Variants in ARFGEF3 observed in about 807,000 individuals in gnomAD.
The protein encoded by ARFGEF3 is ARFGEF family member 3, also known as brefeldin A-inhibited guanine nucleotide-exchange protein 3.
Under a neutral mutation model 221.7 loss-of-function variants are expected in ARFGEF3, and 96 were observed. That is an observed-to-expected ratio of 0.43 (90% confidence interval 0.37 to 0.51). ARFGEF3 has a LOEUF of 0.51. Among genes scored for constraint, ARFGEF3 ranks in the 20% least tolerant of loss-of-function variants. The probability of loss-of-function intolerance (pLI) is 0.00; values close to 1 mark genes in which losing one functional copy is unlikely to be tolerated. For missense variants in ARFGEF3, 2,410 were observed against 2,789.9 expected, an observed-to-expected ratio of 0.86 and a Z score of 3.07; for synonymous variants, 1,145 against 1,126.8, an observed-to-expected ratio of 1.02 and a Z score of -0.32.
chr6:138,286,629 G>A, intron 15 of ARFGEF3, 72 bp from the exon 16 acceptor site: 1 of 1,213,502 alleles, frequency 8.2e-7, no homozygotes, highest in South Asian at 1.3e-5. Context: ...TTGATAGCAA[G>A]AGAATGTGAT....
chr6:138,167,241 G>C (rs1479633320), intron 1 of ARFGEF3, among the ~76,000 whole-genome samples: 1 of 152,142 alleles, frequency 6.6e-6, no homozygotes, highest in African/African-American at 2.4e-5. Context: ...TTTCTCAAGG[G>C]TTAGCTTTGA....
intron 4 of ARFGEF3, among the ~76,000 whole-genome samples, chr6:138,223,317 C>T (rs1201902653): frequency 6.6e-6 from 1 of 152,158 alleles, no homozygotes; most frequent in African/African-American, 2.4e-5. Context: ...AAGTTTAAAG[C>T]CAATCTACAT....
At chr6:138,164,451 T>G (rs1219481256) in intron 1 of ARFGEF3, among the ~76,000 whole-genome samples, 3 of 152,202 alleles carry the variant, frequency 2.0e-5, no homozygotes, top group Non-Finnish European at 2.9e-5. Flanking sequence ...CCATCTTGTT[T>G]AGGAAACATT....
intron 5 of ARFGEF3, among the ~76,000 whole-genome samples, chr6:138,230,105 A>G (rs115795019): frequency 0.017 from 2,603 of 152,236 alleles, 38 homozygotes; most frequent in Middle Eastern, 0.048. Flanking sequence ...TGTAAATAAC[A>G]GTACTGGTTC....
intron 7 of ARFGEF3, among the ~76,000 whole-genome samples, chr6:138,244,359 A>G (rs927547380): frequency 4.6e-5 from 7 of 152,202 alleles, no homozygotes; most frequent in African/African-American, 1.4e-4. Flanking sequence ...TTAGAGCCAC[A>G]TTTGTAAAGA....
At chr6:138,254,654 C>T (rs1345412351) in intron 9 of ARFGEF3, among the ~76,000 whole-genome samples, 2 of 151,856 alleles carry the variant, frequency 1.3e-5, no homozygotes, top group Non-Finnish European at 2.9e-5. Context: ...CACTTGAACC[C>T]GGGAGGCGGA....
At chr6:138,288,769 G>T (rs1779343806) in intron 17 of ARFGEF3, among the ~76,000 whole-genome samples, 1 of 152,066 alleles carries the variant, frequency 6.6e-6, no homozygotes, top group African/African-American at 2.4e-5. Flanking sequence ...TTAGGAGATG[G>T]TTTGGATTCC....
chr6:138,246,321 T>G (rs1371163692), intron 8 of ARFGEF3, among the ~76,000 whole-genome samples: 1 of 152,222 alleles, frequency 6.6e-6, no homozygotes, highest in African/African-American at 2.4e-5. Context: ...CTTTGAATCA[T>G]GAAAGACATT....
rs1780278329 is a variant in ARFGEF3, at chr6:138,334,222, C to A, written c.5376C>A (p.Cys1792Ter). 6.2e-7 allele frequency: 1 copy of A among 1,613,834 alleles called. No homozygotes were observed. The highest frequency in any genetic ancestry group is 8.5e-7 in the Non-Finnish European group (1 of 1,179,860). Residue 1792 changes from cysteine (C) to a stop codon, truncating the protein, a stop_gained, in exon 33 of 34, where the codon TGC (cysteine) becomes TGA (stop). Coordinates refer to ENST00000251691, the MANE Select transcript of ARFGEF3 (RefSeq NM_020340.5). LOFTEE classifies it high-confidence loss of function. This position sits in a 1 kb window ranked among gnomAD's most constrained non-coding sequence, Gnocchi z 5.1. ...REFDTSPGLK[C>*]LLKKVSGIGG... ...TTGACACCAGCCCCGGGCTGAAGTGCCTGCTGAAGAAAGTGTCTGGCATCG... is the reference window on the plus strand; with the variant it reads ...TTGACACCAGCCCCGGGCTGAAGTGACTGCTGAAGAAAGTGTCTGGCATCG...
chr6:138,311,263 A>T lies in ARFGEF3; in HGVS notation c.4097-144A>T. On this transcript the variant is annotated intron_variant, in intron 24 of 33. Coordinates refer to ENST00000251691, the MANE Select transcript of ARFGEF3 (RefSeq NM_020340.5). The stretch of plus-strand genomic sequence containing the variant: ...AAAGGATTTTCCTCAGGGTTGTGCA[A>T]TTTGGAGTCATTTTTCTCCTTTTCT... 5.0e-6 allele frequency: 3 copies of T among 601,142 alleles called. No individual in the cohort carries two copies. The South Asian group carries it at 6.3e-5, about 13-fold the overall frequency. 37.2% of individuals were successfully genotyped at this position (601,142 alleles called of 1,614,324 possible). A position where few individuals can be genotyped will look rare whatever the true frequency, so the allele number is the denominator to read the frequency against.
rs777855834 is a variant in ARFGEF3 at position 138,334,978 on chromosome 6, G to A, written c.6132G>A (p.Glu2044=). Residue 2044 remains glutamate, a synonymous_variant, in exon 33 of 34, where the codon GAG becomes GAA. Transcript: ENST00000251691. The surrounding 1 kb of genome is among the most constrained non-coding windows in gnomAD (Gnocchi z 5.1). ...ACAACCTGTCCGCGTTCCCCAAAGAGGTCAAAGTGGAGAAGAAAGGAGAGC... is the reference window on the plus strand; with the variant it reads ...ACAACCTGTCCGCGTTCCCCAAAGAAGTCAAAGTGGAGAAGAAAGGAGAGC... ...QQHNLSAFPK[E]VKVEKKGEPL... The A allele has an allele frequency of 1.9e-6, 3 of 1,585,724 alleles. No individual in the cohort carries two copies. The highest frequency in any genetic ancestry group is 1.2e-5 in the South Asian group (1 of 86,474).
At chr6:138,296,752 AG>A in intron 20 of ARFGEF3, 57 bp from the exon 21 acceptor site, 1 of 1,579,956 alleles carries the variant, frequency 6.3e-7, no homozygotes, top group Non-Finnish European at 8.6e-7. Flanking sequence ...TTGCTTGAAT[AG>A]GTCAGACTAT....
chr6:138,261,339 C>A lies in ARFGEF3; in HGVS notation c.1105-188C>A, dbSNP rs547018523. Among the ~76,000 whole-genome samples the A allele has an allele frequency of 6.6e-5, 10 of 152,324 alleles. 1 individual carries two copies. In the South Asian group the frequency reaches 2.1e-3, roughly 32 times the overall value. The stretch of plus-strand genomic sequence containing the variant: ...GAGCTGAAGAGCCAGGAGCCTGATA[C>A]ACACCATATGTCAAGAAGAAAACCT... On this transcript the variant is annotated intron_variant, in intron 10 of 33. Coordinates refer to ENST00000251691, the MANE Select transcript of ARFGEF3 (RefSeq NM_020340.5).
intron 4 of ARFGEF3, among the ~76,000 whole-genome samples, chr6:138,215,149 T>A (rs1408521033): frequency 6.6e-6 from 1 of 152,254 alleles, no homozygotes; most frequent in Admixed American, 6.5e-5. Flanking sequence ...TAATGACTTC[T>A]CTGACGAGAG....
At chr6:138,303,107 T>G (rs1375865338) in intron 22 of ARFGEF3, among the ~76,000 whole-genome samples, 1 of 152,132 alleles carries the variant, frequency 6.6e-6, no homozygotes, top group African/African-American at 2.4e-5. Flanking sequence ...AAAGGAGGGA[T>G]GGGAAATGGA....
At chr6:138,335,228 G>A (rs1562220882) in intron 33 of ARFGEF3, 40 bp downstream of exon 33, 1 of 1,492,230 alleles carries the variant, frequency 6.7e-7, no homozygotes, top group Non-Finnish European at 8.8e-7. Flanking sequence ...GGGAGGCTGG[G>A]TTTCCAGTAC....
chr6:138,235,221 A>G (rs769633071), intron 5 of ARFGEF3, among the ~76,000 whole-genome samples: 11 of 151,914 alleles, frequency 7.2e-5, no homozygotes, highest in Non-Finnish European at 1.3e-4. Context: ...TGTATCATTA[A>G]CCGTTTGTGT....
chr6:138,268,119 T>C (rs534368966), intron 12 of ARFGEF3, among the ~76,000 whole-genome samples: 3 of 152,310 alleles, frequency 2.0e-5, no homozygotes, highest in African/African-American at 4.8e-5. Context: ...CCTGTATCCA[T>C]CTCTGGACTG....
At chr6:138,323,632 C>CAAA in intron 29 of ARFGEF3, 39 bp from the exon 30 acceptor site, 7 of 1,528,662 alleles carry the variant, frequency 4.6e-6, no homozygotes, top group Non-Finnish European at 6.3e-6. Flanking sequence ...ACAACAACAA[C>CAAA]AACAAAAAAA....
Sources: allele counts gnomAD v4.1 joint callset (sites outside exome capture counted in the v4.1 genomes callset), GRCh38; gene constraint gnomAD v4.1.1; non-coding constraint Gnocchi (gnomAD v3.1); transcripts MANE v1.5; gene names NCBI Gene and HGNC (gene_info 2026-07-23, HGNC 2026-07-21).